The following NHSL1 variants were observed in gnomAD, a reference collection of about 807,000 sequenced individuals.
NHSL1 encodes NHS-like protein 1.
A neutral mutation model predicts 95.0 loss-of-function variants in NHSL1; 48 were observed. That is an observed-to-expected ratio of 0.51 (90% CI 0.40 to 0.64). The LOEUF is 0.64. Among genes scored for constraint, NHSL1 ranks in the 30% least tolerant of loss-of-function variants. NHSL1 has a pLI of 0.00. For missense variants in NHSL1, 1,971 were observed against 2,077.7 expected, an observed-to-expected ratio of 0.95 and a Z score of 1.00; for synonymous variants, 783 against 833.9, an observed-to-expected ratio of 0.94 and a Z score of 1.05.
intron 3 of NHSL1, among the ~76,000 whole-genome samples, chr6:138,468,303 A>G (rs1213617960): frequency 6.6e-6 from 1 of 152,164 alleles, no homozygotes; most frequent in Non-Finnish European, 1.5e-5. Flanking sequence ...TTATGTTACA[A>G]TTATCTAGAG....
At chr6:138,648,877 G>C (rs1472448511) in intron 1 of NHSL1, among the ~76,000 whole-genome samples, 1 of 152,132 alleles carries the variant, frequency 6.6e-6, no homozygotes, top group Non-Finnish European at 1.5e-5. Context: ...CAATAGATGA[G>C]TAGTAGATTG....
At chr6:138,515,002 C>T (rs1158161566) in intron 1 of NHSL1, among the ~76,000 whole-genome samples, 2 of 151,856 alleles carry the variant, frequency 1.3e-5, no homozygotes, top group African/African-American at 4.8e-5. Context: ...AAAAAAGTGT[C>T]TACATGATGA....
intron 3 of NHSL1, among the ~76,000 whole-genome samples, chr6:138,472,432 A>C (rs1379670957): frequency 6.6e-6 from 1 of 152,134 alleles, no homozygotes; most frequent in Non-Finnish European, 1.5e-5. Context: ...TTTTTTGATC[A>C]ACTATTATTT....
chr6:138,600,696 G>A (rs878946104), intron 1 of NHSL1, among the ~76,000 whole-genome samples: 1 of 152,026 alleles, frequency 6.6e-6, no homozygotes, highest in Non-Finnish European at 1.5e-5. Context: ...TTTTCTTAAT[G>A]TCGTTGCTAA....
intron 1 of NHSL1, among the ~76,000 whole-genome samples, chr6:138,604,577 G>GTGAA (rs933609866): frequency 5.3e-5 from 8 of 152,262 alleles, no homozygotes; most frequent in South Asian, 2.1e-4. Flanking sequence ...CAATTATCTG[G>GTGAA]TGAATGAATG....
In NHSL1 at chr6:138,430,921, C is replaced by G; in HGVS notation, c.3424G>C (p.Ala1142Pro). The part of the protein sequence containing the change: ...ASVTSSLPTP[A>P]KSSSQGDHGS... The stretch of plus-strand genomic sequence containing the variant: ...TGGTCACCCTGACTCGAGCTCTTGG[C>G]AGGCGTCGGAAGCGAGCTTGTCACA... Residue 1142 changes from alanine (A) to proline (P), a missense_variant, in exon 6 of 8, where the codon GCC becomes CCC. Around this residue, in one of 3 missense-constraint regions of NHSL1, gnomAD observed 1,602 missense variants for 1,654.5 expected, o/e 0.97. Transcript: ENST00000343505. This position sits in a 1 kb window ranked among gnomAD's most constrained non-coding sequence, Gnocchi z 4.7. The G allele has an allele frequency of 6.4e-7, 1 of 1,551,510 alleles. No individual in the cohort carries two copies.
chr6:138,530,255 C>G (rs1782078311), intron 1 of NHSL1, among the ~76,000 whole-genome samples: 1 of 152,110 alleles, frequency 6.6e-6, no homozygotes, highest in Non-Finnish European at 1.5e-5. Context: ...CAATGAGATA[C>G]CACCTTACTC....
At chr6:138,530,058 G>A (rs975015913) in intron 1 of NHSL1, among the ~76,000 whole-genome samples, 2 of 152,056 alleles carry the variant, frequency 1.3e-5, no homozygotes, top group Admixed American at 6.6e-5. Flanking sequence ...AGATTACAAT[G>A]GTCTGAATGT....
chr6:138,606,162 C>A (rs1470566383), intron 1 of NHSL1, among the ~76,000 whole-genome samples: 1 of 152,186 alleles, frequency 6.6e-6, no homozygotes, highest in Non-Finnish European at 1.5e-5. Flanking sequence ...AAGCCACCCA[C>A]AAATCACAAC....
At chr6:138,691,883 G>A (rs1785677095) in intron 1 of NHSL1, 1 of 456,678 alleles carries the variant, frequency 2.2e-6, no homozygotes, top group South Asian at 1.5e-5. Context: ...GAGCTGGTGG[G>A]TCAGTCTGGG....
At chr6:138,616,268 C>A (rs969715427) in intron 1 of NHSL1, among the ~76,000 whole-genome samples, 1 of 152,100 alleles carries the variant, frequency 6.6e-6, no homozygotes, top group Non-Finnish European at 1.5e-5. Context: ...TGCACAGCTA[C>A]CTAAGGTTTA....
At chr6:138,625,154 C>CTTTTTTTTTTTTTTTTTTTTTTTTT (rs960120093) in intron 1 of NHSL1, among the ~76,000 whole-genome samples, 1 of 151,814 alleles carries the variant, frequency 6.6e-6, no homozygotes, top group African/African-American at 2.4e-5. Context: ...TTTTGCTTTG[C>CTTTTTTTTTTTTTTTTTTTTTTTTT]TTTTTTTGAG....
chr6:138,517,407 T>C (rs1362672185), intron 1 of NHSL1, among the ~76,000 whole-genome samples: 2 of 152,238 alleles, frequency 1.3e-5, no homozygotes, highest in African/African-American at 4.8e-5. Flanking sequence ...TTTCTCTGTA[T>C]TCATTTTTTA....
At chr6:138,577,612 C>T (rs1002832363) in intron 1 of NHSL1, among the ~76,000 whole-genome samples, 5 of 152,168 alleles carry the variant, frequency 3.3e-5, no homozygotes, top group Admixed American at 6.5e-5. Flanking sequence ...GTGGCCCTGC[C>T]TGGGCTGGGA....
intron 1 of NHSL1, among the ~76,000 whole-genome samples, chr6:138,647,309 C>T (rs141024195): frequency 1.3e-5 from 2 of 152,278 alleles, no homozygotes; most frequent in Non-Finnish European, 2.9e-5. Context: ...TCCTGGGTTC[C>T]GTTCAAAATT....
chr6:138,648,787 ACTGTATTC>A (rs928126938), intron 1 of NHSL1, among the ~76,000 whole-genome samples: 39 of 152,222 alleles, frequency 2.6e-4, no homozygotes, highest in African/African-American at 9.4e-4. Context: ...CAGAACTTAT[ACTGTATTC>A]CTGGGGGCTA....
intron 1 of NHSL1, among the ~76,000 whole-genome samples, chr6:138,638,129 G>A (rs896181995): frequency 6.6e-6 from 1 of 151,924 alleles, no homozygotes; most frequent in Non-Finnish European, 1.5e-5. Context: ...AACATAACAT[G>A]TTCTCACTTA....
chr6:138,444,893 G>T lies in NHSL1; in HGVS notation c.532+2108C>A, dbSNP rs564300463. Among the ~76,000 whole-genome samples the T allele has an allele frequency of 3.3e-5, 5 of 152,196 alleles. No individual in the cohort carries two copies. In the South Asian group the frequency reaches 1.0e-3, roughly 32 times the overall value. On this transcript the variant is annotated intron_variant, in intron 4 of 7. Coordinates refer to ENST00000343505, the MANE Select transcript of NHSL1 (RefSeq NM_001144060.2). The stretch of plus-strand genomic sequence containing the variant: ...AATGGATCAATAAATACGTGATTAG[G>T]TATTATATTTACTTTTGGCATTTCT...
Position 138,678,710 on chromosome 6 carries a change from C to A in NHSL1, c.96+13766G>T, listed in dbSNP as rs543946075. On this transcript the variant is annotated intron_variant, in intron 1 of 3. Coordinates refer to the NHSL1 transcript ENST00000491526. Reference sequence around the variant, plus strand: ...AGGCAAATTACTTTGCCTATCCTTGCCACTGTTTCCTCATCAGTAAAATGG... The same window carrying A: ...AGGCAAATTACTTTGCCTATCCTTGACACTGTTTCCTCATCAGTAAAATGG... Among the ~76,000 whole-genome samples, 26 of 152,266 alleles carry A rather than the reference C, an allele frequency of 1.7e-4. No individual in the cohort carries two copies. In the South Asian group the frequency reaches 5.2e-3, roughly 30 times the overall value.
Sources: gnomAD v4.1 joint callset for allele counts (sites outside exome capture counted in the v4.1 genomes callset) on GRCh38, gnomAD v4.1.1 for gene constraint, gnomAD v4.1.1 regional missense constraint, Gnocchi (gnomAD v3.1) non-coding constraint, MANE v1.5 for transcripts, NCBI Gene and HGNC (gene_info 2026-07-23, HGNC 2026-07-21) for gene names.